Variants in UGGT2 observed in about 807,000 individuals in gnomAD.
The protein encoded by UGGT2 is UDP-glucose:glycoprotein glucosyltransferase 2.
A neutral mutation model predicts 192.1 loss-of-function variants in UGGT2; 180 were observed. The observed-to-expected ratio is 0.94, with a 90% CI of 0.83 to 1.06. The LOEUF (loss-of-function observed/expected upper bound fraction) is 1.06. UGGT2 is among the 50% of genes least tolerant of loss of function. The probability of loss-of-function intolerance (pLI) is 0.00; values close to 1 mark genes in which losing one functional copy is unlikely to be tolerated. For missense variants in UGGT2, 1,849 were observed against 1,795.7 expected, an observed-to-expected ratio of 1.03 and a Z score of -0.54; for synonymous variants, 580 against 591.0, an observed-to-expected ratio of 0.98 and a Z score of 0.27.
intron 27 of UGGT2, among the ~76,000 whole-genome samples, chr13:95,879,543 C>T (rs2047433483): frequency 6.6e-6 from 1 of 152,216 alleles, no homozygotes; most frequent in Non-Finnish European, 1.5e-5. Context: ...TTAAGCGATT[C>T]TCCCACCTCA....
Position 95,856,265 on chromosome 13 carries a change from G to A in UGGT2, c.3901C>T (p.Arg1301Cys), listed in dbSNP as rs1030271556. Residue 1301 changes from arginine (R) to cysteine (C), a missense_variant, in exon 34 of 39, where the codon CGT (arginine) becomes TGT (cysteine). Transcript: ENST00000376747. Reference sequence around the variant, plus strand: ...ATCCTCTGTCTTTCAGTCTGTTGACGAAGCCAACGGGGCCACCTATATTGA... The same window carrying A: ...ATCCTCTGTCTTTCAGTCTGTTGACAAAGCCAACGGGGCCACCTATATTGA... ...LVQYRWPRWLRQQTERQRIIW... is the reference protein window; with the variant it reads ...LVQYRWPRWLCQQTERQRIIW... 4.3e-6 allele frequency: 7 copies of A among 1,613,478 alleles called. No homozygotes were observed. The highest frequency in any genetic ancestry group is 2.2e-5 in the East Asian group (1 of 44,812).
chr13:95,947,314 A>G, intron 14 of UGGT2, 142 bp from the exon 15 acceptor site: 1 of 871,608 alleles, frequency 1.1e-6, no homozygotes, highest in South Asian at 2.4e-5. Flanking sequence ...TTATCACTTC[A>G]AAAGTTTGAA....
At chr13:96,018,083 G>A (rs1244052728) in intron 4 of UGGT2, among the ~76,000 whole-genome samples, 1 of 152,160 alleles carries the variant, frequency 6.6e-6, no homozygotes, top group Non-Finnish European at 1.5e-5. Context: ...ATAACTGACA[G>A]TCAACTACCA....
In UGGT2 at chr13:95,985,241, A is replaced by G. The variant is rs1395409114; in HGVS notation, c.1031+1092T>C. The G allele has an allele frequency of 2.5e-6, 3 of 1,221,180 alleles. No individual in the cohort carries two copies. The Admixed American group carries it at 6.9e-5, about 28-fold the overall frequency. The allele number at this position is 1,221,180 out of a possible 1,614,324, so 75.6% of individuals were successfully genotyped here. A position where few individuals can be genotyped will look rare whatever the true frequency, so the allele number is the denominator to read the frequency against. On this transcript the variant is annotated intron_variant, in intron 9 of 38. Transcript: ENST00000376747. ...ACAGATATGACATTTATACACACCC[A>G]TATATATTTCATGTTTTATTATATA... is the stretch of plus-strand genomic sequence containing the variant.
At chr13:95,932,468 A>G (rs2049321224) in intron 17 of UGGT2, among the ~76,000 whole-genome samples, 1 of 152,102 alleles carries the variant, frequency 6.6e-6, no homozygotes, top group Non-Finnish European at 1.5e-5. Flanking sequence ...ACTTTACTTA[A>G]GTAATTTATC....
intron 1 of UGGT2, among the ~76,000 whole-genome samples, chr13:96,038,142 T>C (rs2053059491): frequency 1.3e-5 from 2 of 152,188 alleles, no homozygotes; most frequent in South Asian, 4.1e-4. Context: ...TAAGGTATAT[T>C]GTAGAGGTAA....
chr13:95,855,496 T>TA (rs1889509455), intron 34 of UGGT2, among the ~76,000 whole-genome samples: 2 of 127,010 alleles, frequency 1.6e-5, no homozygotes, highest in Non-Finnish European at 3.5e-5. Flanking sequence ...GGGCCTTGGG[T>TA]GTTTTTTTTT....
chr13:95,900,312 G>C (rs1034845869), intron 22 of UGGT2, among the ~76,000 whole-genome samples: 1 of 152,106 alleles, frequency 6.6e-6, no homozygotes, highest in Non-Finnish European at 1.5e-5. Context: ...TGGTTGGAGA[G>C]TAAGAGATTT....
chr13:95,816,257 A>G (rs1217586994), intron 38 of UGGT2, among the ~76,000 whole-genome samples: 1 of 152,194 alleles, frequency 6.6e-6, no homozygotes, highest in Non-Finnish European at 1.5e-5. Flanking sequence ...CTATGCATCC[A>G]TTAAATTAAG....
chr13:95,822,766 T>G (rs940625817), intron 38 of UGGT2, among the ~76,000 whole-genome samples: 12 of 152,098 alleles, frequency 7.9e-5, no homozygotes, highest in African/African-American at 2.9e-4. Flanking sequence ...GCTTCTTGTT[T>G]CATTGTTCTT....
chr13:95,899,616 C>T (rs1025530668), intron 22 of UGGT2, among the ~76,000 whole-genome samples: 4 of 151,928 alleles, frequency 2.6e-5, no homozygotes, highest in Admixed American at 6.6e-5. Flanking sequence ...TAGTATATAA[C>T]TAAAAGGTAA....
chr13:96,020,066 A>T (rs2052469808), intron 4 of UGGT2, among the ~76,000 whole-genome samples: 2 of 152,312 alleles, frequency 1.3e-5, no homozygotes, highest in East Asian at 1.9e-4. Context: ...ACTTTTTCAC[A>T]TATACCTGAT....
At chr13:95,968,987 A>T (rs2050680605) in intron 12 of UGGT2, among the ~76,000 whole-genome samples, 1 of 152,136 alleles carries the variant, frequency 6.6e-6, no homozygotes, top group Non-Finnish European at 1.5e-5. Flanking sequence ...TTGATAAAAG[A>T]GTGTTTTGCA....
rs1425188719 is a variant in UGGT2 at position 95,902,877 on chromosome 13, T to C, written c.2479A>G (p.Lys827Glu). 1 of 1,613,010 alleles carries C rather than the reference T, an allele frequency of 6.2e-7. No individual in the cohort carries two copies. The highest frequency in any genetic ancestry group is 8.5e-7 in the Non-Finnish European group (1 of 1,179,496). The part of the protein sequence containing the change: ...EIATAIYSGD[K>E]IKTFLIEGMD... The stretch of plus-strand genomic sequence containing the variant: ...ACCTCAATAAGGAATGTTTTAATTT[T>C]ATCTCCAGAGTAAATAGCTGTAGCA... Residue 827 changes from lysine to glutamate, a missense_variant, in exon 21 of 39, where the codon AAA becomes GAA. By Grantham distance (56) the Lys-to-Glu change is moderately conservative (BLOSUM62 1). Transcript: ENST00000376747.
chr13:95,956,568 C>T (rs1046863160), intron 12 of UGGT2, among the ~76,000 whole-genome samples: 2 of 152,186 alleles, frequency 1.3e-5, no homozygotes, highest in African/African-American at 4.8e-5. Context: ...CAATGCTCAA[C>T]ATCACTAGTC....
At chr13:95,990,150 T>C (rs2051412536) in intron 7 of UGGT2, 77 bp from the exon 8 acceptor site, 1 of 827,606 alleles carries the variant, frequency 1.2e-6, no homozygotes, top group East Asian at 2.8e-5. Context: ...TTTTTGAAAT[T>C]ACATATTCCA....
At position 95,980,463 on chromosome 13, in the gene UGGT2, G is replaced by A. The variant is rs187127662; in HGVS notation, c.1092+3341C>T. Among the ~76,000 whole-genome samples the A allele has an allele frequency of 1.1e-3, 164 of 152,110 alleles. 1 individual carries two copies. The highest frequency in any genetic ancestry group is 3.4e-3 in the Middle Eastern group (1 of 294). On this transcript the variant is annotated intron_variant, in intron 10 of 38. Transcript: ENST00000376747. ...TTTGGGGACTCGGGGGAAAGGGCGG[G>A]GGGTGGCAAGAGATCAAAGACTACA... is the stretch of plus-strand genomic sequence containing the variant.
intron 36 of UGGT2, among the ~76,000 whole-genome samples, chr13:95,837,631 ATT>A (rs1887444193): frequency 6.6e-6 from 1 of 152,174 alleles, no homozygotes; most frequent in Admixed American, 6.5e-5. Flanking sequence ...ATATTTTCCC[ATT>A]TCTGCATGCT....
At chr13:95,939,659 T>A (rs144099918) in intron 16 of UGGT2, among the ~76,000 whole-genome samples, 246 of 152,286 alleles carry the variant, frequency 1.6e-3, no homozygotes, top group Non-Finnish European at 2.7e-3. Flanking sequence ...ATACTTCTCA[T>A]ATTTTGTGGT....
Sources: gnomAD v4.1 joint callset for allele counts (sites outside exome capture counted in the v4.1 genomes callset) on GRCh38, gnomAD v4.1.1 for gene constraint, MANE v1.5 for transcripts, NCBI Gene and HGNC (gene_info 2026-07-23, HGNC 2026-07-21) for gene names.